Variants in CIMIP7 observed in about 807,000 individuals in gnomAD.
CIMIP7 encodes the protein ciliary microtubule inner protein 7.
the CIMIP7 span, among the ~76,000 whole-genome samples, chr3:49,182,945 TCAC>T: frequency 6.6e-6 from 1 of 152,132 alleles, no homozygotes; most frequent in Non-Finnish European, 1.5e-5. Context: ...CACCCGGAAC[TCAC>T]GCTGGCCGGC....
the CIMIP7 span, chr3:49,191,683 A>T: frequency 6.5e-7 from 1 of 1,546,436 alleles, no homozygotes; most frequent in Non-Finnish European, 8.8e-7. Flanking sequence ...GGCATGACTC[A>T]GTCAGATTTC....
the CIMIP7 span, among the ~76,000 whole-genome samples, chr3:49,190,870 T>C: frequency 2.6e-5 from 4 of 152,008 alleles, no homozygotes. Context: ...GGTTTCACCA[T>C]GTTGGCCAGG....
chr3:49,188,534 C>T, the CIMIP7 span, among the ~76,000 whole-genome samples: 1 of 152,122 alleles, frequency 6.6e-6, no homozygotes, highest in Non-Finnish European at 1.5e-5. Flanking sequence ...CACATCCCAC[C>T]TGGCTATGTC....
the CIMIP7 span, among the ~76,000 whole-genome samples, chr3:49,181,098 T>C: frequency 6.6e-6 from 1 of 151,368 alleles, no homozygotes; most frequent in African/African-American, 2.4e-5. Context: ...TCCCAGCAGT[T>C]TGGGAGGCAG....
chr3:49,190,959 G>A, the CIMIP7 span, among the ~76,000 whole-genome samples: 1 of 152,026 alleles, frequency 6.6e-6, no homozygotes, highest in Non-Finnish European at 1.5e-5. Flanking sequence ...GAGCCACTGC[G>A]CCTGGCCTGG....
At chr3:49,184,438 C>T in the CIMIP7 span, among the ~76,000 whole-genome samples, 1 of 152,144 alleles carries the variant, frequency 6.6e-6, no homozygotes, top group Non-Finnish European at 1.5e-5. Context: ...TCTTATGCCT[C>T]CGCCTCCCAA....
the CIMIP7 span, chr3:49,177,883 A>G: frequency 2.5e-6 from 4 of 1,613,650 alleles, no homozygotes; most frequent in African/African-American, 5.3e-5. Context: ...GTGCTGGGGG[A>G]GGCCACTGAG....
At chr3:49,181,666 TCCAAC>T in the CIMIP7 span, among the ~76,000 whole-genome samples, 2 of 152,014 alleles carry the variant, frequency 1.3e-5, no homozygotes. Context: ...AAACCATATA[TCCAAC>T]AGAGGACTAG....
chr3:49,185,980 C>A, the CIMIP7 span, among the ~76,000 whole-genome samples: 4 of 150,530 alleles, frequency 2.7e-5, no homozygotes, highest in Admixed American at 2.6e-4. Context: ...TCACCGCGCC[C>A]GGCTATAATT....
chr3:49,181,329 G>C, the CIMIP7 span, among the ~76,000 whole-genome samples: 1 of 129,812 alleles, frequency 7.7e-6, no homozygotes, highest in Non-Finnish European at 1.6e-5. Flanking sequence ...GCAACAGAGA[G>C]ACTCTATCTC....
At chr3:49,181,532 C>T in the CIMIP7 span, among the ~76,000 whole-genome samples, 1 of 152,058 alleles carries the variant, frequency 6.6e-6, no homozygotes, top group African/African-American at 2.4e-5. Context: ...GTGGTGCATA[C>T]CTGTGGTCCC....
At chr3:49,188,078 G>C in the CIMIP7 span, among the ~76,000 whole-genome samples, 1 of 152,216 alleles carries the variant, frequency 6.6e-6, no homozygotes, top group Admixed American at 6.5e-5. Context: ...TCTCTGTGTT[G>C]CTTCTCTTTC....
chr3:49,178,417 G>T, the CIMIP7 span: 1 of 1,466,298 alleles, frequency 6.8e-7, no homozygotes, highest in Non-Finnish European at 9.5e-7. Flanking sequence ...CCTACCATCT[G>T]CTCTGTCCAG....
the CIMIP7 span, among the ~76,000 whole-genome samples, chr3:49,186,848 G>T: frequency 6.6e-6 from 1 of 152,170 alleles, no homozygotes; most frequent in African/African-American, 2.4e-5. Context: ...CTATAGCTTT[G>T]CAAGATGTTA....
chr3:49,182,808 C>A, the CIMIP7 span, among the ~76,000 whole-genome samples: 7 of 152,172 alleles, frequency 4.6e-5, no homozygotes, highest in Non-Finnish European at 4.4e-5. Context: ...CGAGCCCTGC[C>A]CCGCGGGAAG....
At chr3:49,181,435 G>A in the CIMIP7 span, among the ~76,000 whole-genome samples, 1 of 151,764 alleles carries the variant, frequency 6.6e-6, no homozygotes, top group Non-Finnish European at 1.5e-5. Context: ...AAGATTGCTT[G>A]AGCCCAGGAG....
the CIMIP7 span, among the ~76,000 whole-genome samples, chr3:49,190,389 G>T: frequency 1.2e-4 from 19 of 152,038 alleles, no homozygotes; most frequent in Admixed American, 1.2e-3. Flanking sequence ...GTGTAGGGAA[G>T]GAGTGCCATT....
chr3:49,184,108 C>T, the CIMIP7 span, among the ~76,000 whole-genome samples: 1 of 152,132 alleles, frequency 6.6e-6, no homozygotes, highest in African/African-American at 2.4e-5. Flanking sequence ...AGCAATCCTC[C>T]TACCTCAGCC....
At chr3:49,189,928 C>T in the CIMIP7 span, 1 of 863,128 alleles carries the variant, frequency 1.2e-6, no homozygotes, top group Admixed American at 1.7e-5. Context: ...GGATAGGTGT[C>T]AGTACAGCCA....
Sources: allele counts gnomAD v4.1 joint callset (sites outside exome capture counted in the v4.1 genomes callset), GRCh38; gene constraint gnomAD v4.1.1; transcripts MANE v1.5; gene names NCBI Gene and HGNC (gene_info 2026-07-23, HGNC 2026-07-21).